LYPLAL1: variants seen among roughly 807,000 people sequenced by gnomAD.
LYPLAL1 encodes lysophospholipase like 1.
A neutral mutation model predicts 19.7 loss-of-function variants in LYPLAL1; 23 were observed. The observed-to-expected ratio is 1.17, with a 90% CI of 0.84 to 1.65. LYPLAL1 has a LOEUF of 1.65. LYPLAL1 is among the 40% of genes most tolerant of loss of function. The pLI is 0.00. For missense variants in LYPLAL1, 355 were observed against 279.4 expected (o/e 1.27, Z -1.93); for synonymous variants, 119 against 96.3 (o/e 1.24, Z -1.38).
At chr1:219,300,373 G>T in the LYPLAL1 span, among the ~76,000 whole-genome samples, 1 of 151,864 alleles carries the variant, frequency 6.6e-6, no homozygotes, top group African/African-American at 2.4e-5. Flanking sequence ...AAGCATGATT[G>T]TCTTGTGAAA....
the LYPLAL1 span, among the ~76,000 whole-genome samples, chr1:219,379,554 T>G: frequency 6.6e-6 from 1 of 152,240 alleles, no homozygotes; most frequent in South Asian, 2.1e-4. Flanking sequence ...GGGTCTCTGT[T>G]GGGTCTCAGG....
At chr1:219,264,348 G>A in the LYPLAL1 span, among the ~76,000 whole-genome samples, 1 of 152,154 alleles carries the variant, frequency 6.6e-6, no homozygotes, top group African/African-American at 2.4e-5. Flanking sequence ...CTGGTCAGTT[G>A]AAAATTTTTT....
At chr1:219,279,438 C>T in the LYPLAL1 span, among the ~76,000 whole-genome samples, 1 of 152,154 alleles carries the variant, frequency 6.6e-6, no homozygotes, top group Non-Finnish European at 1.5e-5. Context: ...TGACGTGAAG[C>T]TGTAAGGACA....
intron 3 of LYPLAL1, among the ~76,000 whole-genome samples, chr1:219,204,871 T>A (rs1658425925): frequency 6.6e-6 from 1 of 152,092 alleles, no homozygotes; most frequent in Non-Finnish European, 1.5e-5. Flanking sequence ...TTAACTTAGA[T>A]CTAGGATGTA....
the LYPLAL1 span, among the ~76,000 whole-genome samples, chr1:219,375,736 ATTT>A: frequency 4.5e-5 from 6 of 134,474 alleles, no homozygotes; most frequent in Admixed American, 7.7e-5. Flanking sequence ...ATGCTTCCTG[ATTT>A]TTTTTTTTTT....
chr1:219,221,366 C>A, the LYPLAL1 span, among the ~76,000 whole-genome samples: 1 of 152,168 alleles, frequency 6.6e-6, no homozygotes, highest in Admixed American at 6.5e-5. Flanking sequence ...AAAGCTGCAT[C>A]TTTTCATGTA....
the LYPLAL1 span, among the ~76,000 whole-genome samples, chr1:219,429,114 T>C: frequency 6.6e-6 from 1 of 152,200 alleles, no homozygotes; most frequent in African/African-American, 2.4e-5. Flanking sequence ...CTTTTCATTT[T>C]GTGTCACCAA....
the LYPLAL1 span, among the ~76,000 whole-genome samples, chr1:219,314,733 A>G: frequency 6.6e-6 from 1 of 152,214 alleles, no homozygotes; most frequent in Non-Finnish European, 1.5e-5. Flanking sequence ...CGCCTGGCTG[A>G]CAGAGAGTTT....
At chr1:219,390,310 G>C in the LYPLAL1 span, among the ~76,000 whole-genome samples, 1 of 152,108 alleles carries the variant, frequency 6.6e-6, no homozygotes, top group African/African-American at 2.4e-5. Context: ...GCTCTCTCTG[G>C]AAGTTCCTTT....
chr1:219,358,094 T>A, the LYPLAL1 span, among the ~76,000 whole-genome samples: 2 of 152,180 alleles, frequency 1.3e-5, no homozygotes, highest in Non-Finnish European at 2.9e-5. Flanking sequence ...GACATGATGC[T>A]ATTGACAAAA....
At chr1:219,351,842 T>C in the LYPLAL1 span, among the ~76,000 whole-genome samples, 1 of 152,152 alleles carries the variant, frequency 6.6e-6, no homozygotes, top group Non-Finnish European at 1.5e-5. Context: ...CAATGGGAAA[T>C]TATCTGGTAG....
At chr1:219,314,132 A>T in the LYPLAL1 span, among the ~76,000 whole-genome samples, 62,280 of 152,040 alleles carry the variant, frequency 0.41, 13,448 homozygotes, top group Non-Finnish European at 0.48. Flanking sequence ...TCCAGCTCCA[A>T]CCATGTTGCT....
At chr1:219,260,050 G>A in the LYPLAL1 span, among the ~76,000 whole-genome samples, 4 of 151,166 alleles carry the variant, frequency 2.6e-5, no homozygotes, top group African/African-American at 9.7e-5. Flanking sequence ...GCAAGACAAG[G>A]GTAAATTAGT....
chr1:219,357,100 T>C, the LYPLAL1 span, among the ~76,000 whole-genome samples: 2 of 152,232 alleles, frequency 1.3e-5, no homozygotes, highest in Admixed American at 6.5e-5. Flanking sequence ...AATGTTATTA[T>C]TGGGAAAAAA....
chr1:219,427,778 T>C, the LYPLAL1 span, among the ~76,000 whole-genome samples: 1 of 152,216 alleles, frequency 6.6e-6, no homozygotes, highest in Non-Finnish European at 1.5e-5. Flanking sequence ...CCATTTAAAT[T>C]GTAGTTTAAA....
At chr1:219,444,145 G>C in the LYPLAL1 span, among the ~76,000 whole-genome samples, 1 of 152,120 alleles carries the variant, frequency 6.6e-6, no homozygotes, top group African/African-American at 2.4e-5. Flanking sequence ...TGCTTTGTAA[G>C]CTTAAGAAAC....
At chr1:219,425,535 T>G in the LYPLAL1 span, among the ~76,000 whole-genome samples, 1 of 152,220 alleles carries the variant, frequency 6.6e-6, no homozygotes, top group Non-Finnish European at 1.5e-5. Context: ...CCAGCTCCCT[T>G]GATAGACTTA....
At chr1:219,182,133 A>G (rs180786489) in intron 2 of LYPLAL1, among the ~76,000 whole-genome samples, 36 of 152,252 alleles carry the variant, frequency 2.4e-4, no homozygotes, top group Non-Finnish European at 4.1e-4. Context: ...TGACCCTGCA[A>G]TAGATTGAGT....
the LYPLAL1 span, among the ~76,000 whole-genome samples, chr1:219,312,372 C>G: frequency 6.6e-6 from 1 of 152,280 alleles, no homozygotes; most frequent in African/African-American, 2.4e-5. Context: ...GTCCTAGGCT[C>G]TTTGTGCCTC....
Sources: gnomAD v4.1 joint callset for allele counts (sites outside exome capture counted in the v4.1 genomes callset) on GRCh38, gnomAD v4.1.1 for gene constraint, MANE v1.5 for transcripts, NCBI Gene and HGNC (gene_info 2026-07-23, HGNC 2026-07-21) for gene names.